GALNT16: variants seen among roughly 807,000 people sequenced by gnomAD.
The protein encoded by GALNT16 is polypeptide N-acetylgalactosaminyltransferase 16.
Under a neutral mutation model 76.1 loss-of-function variants are expected in GALNT16, and 40 were observed. The observed-to-expected ratio is 0.53, with a 90% CI of 0.41 to 0.68. GALNT16 has a LOEUF of 0.68. Ranked by LOEUF, GALNT16 falls within the 30% of genes least tolerant of loss-of-function variation. GALNT16 has a pLI of 0.00. For missense variants in GALNT16, 621 were observed against 731.9 expected (o/e 0.85, Z 1.75); for synonymous variants, 276 against 285.2 (o/e 0.97, Z 0.32).
chr14:69,349,661 C>T (rs368165697), intron 14 of GALNT16: 1 of 152,270 alleles, frequency 6.6e-6, no homozygotes, highest in Non-Finnish European at 1.5e-5. Context: ...TTCCCTCCCC[C>T]TCCCTTCACT....
intron 1 of GALNT16, among the ~76,000 whole-genome samples, chr14:69,265,280 T>G (rs1380646564): frequency 6.6e-6 from 1 of 151,996 alleles, no homozygotes; most frequent in Non-Finnish European, 1.5e-5. Context: ...AGGCCAGAGG[T>G]CCAAGGGCAC....
At chr14:69,360,193 A>G (rs1028612687), downstream of GALNT16, among the ~76,000 whole-genome samples, 9 of 151,812 alleles carry the variant, frequency 5.9e-5, no homozygotes, top group African/African-American at 2.2e-4. Flanking sequence ...TCTATACTAT[A>G]AATTTAAAAA....
chr14:69,336,677 A>ATC (rs1160433129), intron 9 of GALNT16, among the ~76,000 whole-genome samples: 4 of 151,194 alleles, frequency 2.6e-5, no homozygotes, highest in Non-Finnish European at 5.9e-5. Context: ...CCTAACTACC[A>ATC]TCTGATATGC....
intron 1 of GALNT16, among the ~76,000 whole-genome samples, chr14:69,274,170 A>C (rs116244423): frequency 0.014 from 2,206 of 152,220 alleles, 61 homozygotes; most frequent in African/African-American, 0.05. Context: ...GTTAATTCAC[A>C]TCAAGAGTTT....
intron 1 of GALNT16, among the ~76,000 whole-genome samples, chr14:69,294,079 C>CA (rs1305252725): frequency 6.6e-6 from 1 of 151,786 alleles, no homozygotes; most frequent in Non-Finnish European, 1.5e-5. Context: ...TTAGTAGAGA[C>CA]GGGTTTCACC....
In GALNT16 at chr14:69,333,199, C is replaced by T; in HGVS notation, c.863+30C>T. On this transcript the variant is annotated intron_variant, in intron 8 of 14. Transcript: ENST00000448469. This position sits in a 1 kb window ranked among gnomAD's most constrained non-coding sequence, Gnocchi z 4.2. Reference sequence around the variant, plus strand: ...GAGCTGCGGTGGGCTCTGGGGGACCCCTTCCTTCCCTGGGTCAGGGGCCTG... The same window carrying T: ...GAGCTGCGGTGGGCTCTGGGGGACCTCTTCCTTCCCTGGGTCAGGGGCCTG... 1 of 1,463,222 alleles carries T rather than the reference C, an allele frequency of 6.8e-7. No homozygotes were observed. Among genetic ancestry groups the T allele is most frequent in the Non-Finnish European group, 9.4e-7 (1 of 1,059,990 alleles). The allele number at this position is 1,463,222 out of a possible 1,614,324, so 90.6% of individuals were successfully genotyped here. A position where few individuals can be genotyped will look rare whatever the true frequency, so the allele number is the denominator to read the frequency against.
the GALNT16 span, among the ~76,000 whole-genome samples, chr14:69,371,288 C>T: frequency 6.6e-6 from 1 of 152,006 alleles, no homozygotes; most frequent in African/African-American, 2.4e-5. Flanking sequence ...GAGTCTCACT[C>T]TGTCGCCAGG....
chr14:69,326,922 T>C (rs1476907528), intron 5 of GALNT16, among the ~76,000 whole-genome samples: 2 of 152,172 alleles, frequency 1.3e-5, no homozygotes, highest in Non-Finnish European at 2.9e-5. Flanking sequence ...CTCATACTCA[T>C]ACTCCCTTCC....
chr14:69,343,118 C>T lies in GALNT16; in HGVS notation c.1271+1354C>T, dbSNP rs569554404. Among the ~76,000 whole-genome samples, 121 of 152,302 alleles carry T rather than the reference C, an allele frequency of 7.9e-4. 1 individual carries two copies. The highest frequency in any genetic ancestry group is 2.6e-3 in the African/African-American group (107 of 41,556). The stretch of plus-strand genomic sequence containing the variant: ...AATGGAACAAGTTGCACAGTCCGTA[C>T]GCCTCAATCATGTCTAAAAGCCGCA... On this transcript the variant is annotated intron_variant, in intron 12 of 14. Transcript: ENST00000448469.
downstream of GALNT16, chr14:69,357,146 G>GT (rs1473436018): frequency 1.3e-5 from 2 of 152,234 alleles, no homozygotes; most frequent in East Asian, 3.8e-4. Flanking sequence ...AGCAGCAACT[G>GT]TGATACCACA....
Position 69,333,495 on chromosome 14 carries a change from A to G in GALNT16, c.864-2A>G, listed in dbSNP as rs751956784. ...TTGCGTCTTCCCTCTCCTTGCTCCC[A>G]GGACGCCTGTCATAGCTGGAGGAAT... On this transcript the variant is annotated splice_acceptor_variant, in intron 8 of 14. Coordinates refer to ENST00000448469, the MANE Select transcript of GALNT16 (RefSeq NM_001168368.2). LOFTEE classifies it high-confidence loss of function. The surrounding 1 kb of genome is among the most constrained non-coding windows in gnomAD (Gnocchi z 4.2). The G allele has an allele frequency of 6.3e-7, 1 of 1,597,242 alleles. No homozygotes were observed. Among genetic ancestry groups the G allele is most frequent in the Non-Finnish European group, 8.6e-7 (1 of 1,165,010 alleles).
intron 12 of GALNT16, among the ~76,000 whole-genome samples, chr14:69,346,028 T>C (rs975577436): frequency 1.3e-5 from 2 of 151,974 alleles, no homozygotes; most frequent in Admixed American, 1.3e-4. Flanking sequence ...CGTGGGACTA[T>C]AGGCATGTGC....
chr14:69,324,718 A>G lies in GALNT16; in HGVS notation c.362A>G (p.Asp121Gly). Residue 121 changes from aspartate to glycine, a missense_variant, in exon 3 of 15, where the codon GAC becomes GGC. Coordinates refer to ENST00000448469, the MANE Select transcript of GALNT16 (RefSeq NM_001168368.2). The stretch of plus-strand genomic sequence containing the variant: ...TGCCCATCTGTGTCCTACTCCTCGG[A>G]CCTGCCAGCCACCAGCGTCATCATC... ...YSCPSVSYSS[D>G]LPATSVIITF... 1.9e-6 allele frequency: 3 copies of G among 1,612,298 alleles called. No homozygotes were observed. The highest frequency in any genetic ancestry group is 4.5e-5 in the East Asian group (2 of 44,792).
intron 1 of GALNT16, among the ~76,000 whole-genome samples, chr14:69,295,523 C>A (rs2044747593): frequency 6.6e-6 from 1 of 151,784 alleles, no homozygotes; most frequent in Non-Finnish European, 1.5e-5. Context: ...AGTTCAAGAC[C>A]AGCCTGGCCA....
At chr14:69,260,131 C>T (rs1251501680), upstream of GALNT16, 6 of 297,072 alleles carry the variant, frequency 2.0e-5, no homozygotes, top group African/African-American at 9.2e-5. Flanking sequence ...CTGTCTCTCC[C>T]TATCACCCCC....
At chr14:69,379,209 G>C in the GALNT16 span, among the ~76,000 whole-genome samples, 2 of 152,016 alleles carry the variant, frequency 1.3e-5, no homozygotes, top group African/African-American at 4.8e-5. Context: ...CAAAGTGCTG[G>C]GATTATAGGC....
At chr14:69,262,883 C>CT (rs5809423) in intron 1 of GALNT16, among the ~76,000 whole-genome samples, 107 of 138,924 alleles carry the variant, frequency 7.7e-4, no homozygotes, top group African/African-American at 7.9e-4. Flanking sequence ...TTCTTTTTTT[C>CT]TTTTTTTTTT....
intron 1 of GALNT16, among the ~76,000 whole-genome samples, chr14:69,266,983 G>A (rs141922699): frequency 6.6e-6 from 1 of 152,330 alleles, no homozygotes; most frequent in Non-Finnish European, 1.5e-5. Flanking sequence ...CCAAGACCGA[G>A]GCCTGCATAG....
chr14:69,331,792 C>G (rs975835296), intron 7 of GALNT16, among the ~76,000 whole-genome samples: 4 of 152,212 alleles, frequency 2.6e-5, no homozygotes, highest in Non-Finnish European at 4.4e-5. Context: ...AGACTAGTCT[C>G]TCATCTTTCC....
Sources: allele counts gnomAD v4.1 joint callset (sites outside exome capture counted in the v4.1 genomes callset), GRCh38; gene constraint gnomAD v4.1.1; non-coding constraint Gnocchi (gnomAD v3.1); transcripts MANE v1.5; gene names NCBI Gene and HGNC (gene_info 2026-07-23, HGNC 2026-07-21).